GNB1: variants seen among roughly 807,000 people sequenced by gnomAD.
The protein encoded by GNB1 is guanine nucleotide-binding protein G(I)/G(S)/G(T) subunit beta-1.
A neutral mutation model predicts 42.9 loss-of-function variants in GNB1; 2 were observed. The observed-to-expected ratio is 0.05, with a 90% CI of 0.02 to 0.15. The LOEUF (loss-of-function observed/expected upper bound fraction) is 0.15. Ranked by LOEUF, GNB1 falls within the 10% of genes least tolerant of loss-of-function variation. The pLI is 1.00. For synonymous variants in GNB1, 183 were observed against 174.7 expected (o/e 1.05, Z -0.38); for missense variants, 193 against 462.2 (o/e 0.42, Z 5.34).
rs1646413075 is a variant in GNB1, at chr1:1,786,849, T to G, written c.*214A>C. 1 of 152,720 alleles carries G rather than the reference T, an allele frequency of 6.5e-6. No individual in the cohort carries two copies. The highest frequency in any genetic ancestry group is 2.4e-5 in the African/African-American group (1 of 41,468). The allele number at this position is 152,720 out of a possible 1,614,324, so 9.5% of individuals were successfully genotyped here. On this transcript the variant is annotated 3_prime_UTR_variant, in exon 12 of 12. Transcript: ENST00000378609. ...ATGGCCCCGGAAGGAATGCACAATT[T>G]GTTTTAGTTTACAGCACAGAGATCT...
At chr1:1,812,308 G>T (rs915628360) in intron 5 of GNB1, among the ~76,000 whole-genome samples, 3 of 150,138 alleles carry the variant, frequency 2.0e-5, no homozygotes, top group African/African-American at 7.4e-5. Context: ...TAACAAATCT[G>T]CACATTGTGC....
Position 1,874,664 on chromosome 1 carries a change from G to A in GNB1, c.-96+16156C>T, listed in dbSNP as rs542561855. Among the ~76,000 whole-genome samples, 117 of 142,100 alleles carry A rather than the reference G, an allele frequency of 8.2e-4. 1 individual carries two copies. Among genetic ancestry groups the A allele is most frequent in the Admixed American group, 5.3e-3 (73 of 13,720 alleles). The allele number at this position is 142,100 out of a possible 152,430, so 93.2% of individuals were successfully genotyped here. A position where few individuals can be genotyped will look rare whatever the true frequency, so the allele number is the denominator to read the frequency against. The stretch of plus-strand genomic sequence containing the variant: ...AAATTAGCTGGGCATGCTGGCACAC[G>A]CCTGTAGTCCCACCTACTTGGGAGA... On this transcript the variant is annotated intron_variant, in intron 1 of 11. Coordinates refer to ENST00000378609, the MANE Select transcript of GNB1 (RefSeq NM_002074.5).
At chr1:1,877,580 C>T (rs1241722724) in intron 1 of GNB1, among the ~76,000 whole-genome samples, 1 of 152,034 alleles carries the variant, frequency 6.6e-6, no homozygotes, top group East Asian at 1.9e-4. Flanking sequence ...TCAAGTGATT[C>T]TCCTGCCTCA....
chr1:1,863,962 G>A (rs1223815317), intron 1 of GNB1, among the ~76,000 whole-genome samples: 1 of 152,126 alleles, frequency 6.6e-6, no homozygotes, highest in Non-Finnish European at 1.5e-5. Context: ...ATTTTGGAAG[G>A]CCAAGGCGGG....
chr1:1,885,323 G>C (rs189273279), intron 1 of GNB1, among the ~76,000 whole-genome samples: 1 of 150,840 alleles, frequency 6.6e-6, no homozygotes, highest in African/African-American at 2.4e-5. Flanking sequence ...TGAGGCAGGA[G>C]AATCACTTGA....
intron 1 of GNB1, among the ~76,000 whole-genome samples, chr1:1,889,104 G>T (rs1260090870): frequency 6.6e-6 from 1 of 152,164 alleles, no homozygotes; most frequent in African/African-American, 2.4e-5. Flanking sequence ...TCTCCCAAAA[G>T]ACTATCACTT....
At chr1:1,839,446 T>G (rs1162708292) in intron 1 of GNB1, among the ~76,000 whole-genome samples, 1 of 152,188 alleles carries the variant, frequency 6.6e-6, no homozygotes, top group Admixed American at 6.6e-5. Context: ...TCTCAACTTC[T>G]TTAAGAATCC....
At position 1,839,845 on chromosome 1, in the gene GNB1, A is replaced by T. The variant is rs116224680; in HGVS notation, c.-95-607T>A. Among the ~76,000 whole-genome samples the T allele has an allele frequency of 8.4e-3, 1,270 of 151,936 alleles. 22 individuals carry two copies. Among genetic ancestry groups the T allele is most frequent in the African/African-American group, 0.029 (1,219 of 41,450 alleles). ...TTCCAGCCTAGGTGACAGAGCAAGA[A>T]TCTGTCTCAAAACAAAAACACACAA... On this transcript the variant is annotated intron_variant, in intron 1 of 11. Coordinates refer to ENST00000378609, the MANE Select transcript of GNB1 (RefSeq NM_002074.5).
chr1:1,874,473 G>C (rs866721453), intron 1 of GNB1, among the ~76,000 whole-genome samples: 1 of 151,778 alleles, frequency 6.6e-6, no homozygotes. Flanking sequence ...CGGGCGTGGC[G>C]GTGTGCACCT....
intron 5 of GNB1, among the ~76,000 whole-genome samples, chr1:1,813,589 C>T (rs1182559111): frequency 6.6e-6 from 1 of 152,112 alleles, no homozygotes; most frequent in African/African-American, 2.4e-5. Context: ...CTCCTGGGTT[C>T]AAGTGATCCT....
chr1:1,825,833 C>G (rs1339290956), intron 2 of GNB1, among the ~76,000 whole-genome samples: 2 of 151,544 alleles, frequency 1.3e-5, no homozygotes, highest in African/African-American at 4.9e-5. Flanking sequence ...CCAGTGCACT[C>G]CAGCCCGGGC....
intron 1 of GNB1, among the ~76,000 whole-genome samples, chr1:1,851,785 T>C (rs1406100271): frequency 1.3e-5 from 2 of 152,108 alleles, no homozygotes; most frequent in Non-Finnish European, 2.9e-5. Flanking sequence ...GGCTCACGCC[T>C]ATAATCCCAG....
intron 1 of GNB1, among the ~76,000 whole-genome samples, chr1:1,861,600 G>A (rs1422191918): frequency 6.6e-6 from 1 of 151,728 alleles, no homozygotes; most frequent in Non-Finnish European, 1.5e-5. Flanking sequence ...GGGGTTGGGG[G>A]TTGGTGGTGG....
At chr1:1,886,875 T>C (rs1650185719) in intron 1 of GNB1, among the ~76,000 whole-genome samples, 1 of 152,038 alleles carries the variant, frequency 6.6e-6, no homozygotes, top group African/African-American at 2.4e-5. Context: ...CCAGCTAATT[T>C]TTTGTAGAGA....
chr1:1,785,961 G>C lies in GNB1; in HGVS notation c.*1102C>G. ...AACTGTAAGAGGTTATTTCTTAAAA[G>C]AAAAAGAACACCTAAGGACTGAGTC... On this transcript the variant is annotated 3_prime_UTR_variant, in exon 12 of 12. Coordinates refer to ENST00000378609, the MANE Select transcript of GNB1 (RefSeq NM_002074.5). 1 of 398,856 alleles carries C rather than the reference G, an allele frequency of 2.5e-6. No homozygotes were observed. Among genetic ancestry groups the C allele is most frequent in the Non-Finnish European group, 4.4e-6 (1 of 226,038 alleles). The allele number at this position is 398,856 out of a possible 1,614,324, so 24.7% of individuals were successfully genotyped here.
chr1:1,864,741 T>C (rs1570734477), intron 1 of GNB1, among the ~76,000 whole-genome samples: 1 of 152,216 alleles, frequency 6.6e-6, no homozygotes, highest in Non-Finnish European at 1.5e-5. Flanking sequence ...TTCTGCAATT[T>C]ATAACTAAGA....
intron 5 of GNB1, among the ~76,000 whole-genome samples, chr1:1,809,657 C>T (rs553452220): frequency 1.3e-5 from 2 of 152,226 alleles, no homozygotes; most frequent in South Asian, 2.1e-4. Flanking sequence ...AGAGGTCTCC[C>T]GGTCAGAGAG....
intron 7 of GNB1, chr1:1,794,331 A>G (rs558837087): frequency 6.6e-6 from 1 of 152,324 alleles, no homozygotes; most frequent in Admixed American, 6.5e-5. Flanking sequence ...CGGCAGTTCA[A>G]GTTGTTAATG....
chr1:1,865,951 T>A (rs6670246), intron 1 of GNB1, among the ~76,000 whole-genome samples: 37,423 of 151,836 alleles, frequency 0.25, 4,853 homozygotes, highest in Non-Finnish European at 0.27. Context: ...TTATTTATTT[T>A]TTTTTTTTTT....
Sources: gnomAD v4.1 joint callset for allele counts (sites outside exome capture counted in the v4.1 genomes callset) on GRCh38, gnomAD v4.1.1 for gene constraint, MANE v1.5 for transcripts, NCBI Gene and HGNC (gene_info 2026-07-23, HGNC 2026-07-21) for gene names.